Variants in BCAN observed in about 807,000 individuals in gnomAD.
BCAN encodes brevican core protein.
In BCAN, 51 loss-of-function variants were observed where a neutral mutation model predicts 92.4. The observed-to-expected ratio is 0.55, with a 90% confidence interval of 0.44 to 0.70. The LOEUF is 0.70. Among genes scored for constraint, BCAN ranks in the 30% least tolerant of loss-of-function variants. The pLI is 0.00. For synonymous variants in BCAN, 501 were observed against 505.2 expected (o/e 0.99, Z 0.11); for missense variants, 1,140 against 1,212.1 (o/e 0.94, Z 0.88).
Position 156,658,601 on chromosome 1 carries a change from G to C in BCAN, c.2496G>C (p.Leu832=). 6.2e-7 allele frequency: 1 copy of C among 1,614,072 alleles called. No homozygotes were observed. Among genetic ancestry groups the C allele is most frequent in the Middle Eastern group, 1.6e-4 (1 of 6,062 alleles). Residue 832 remains leucine, a synonymous_variant, in exon 13 of 14, where the codon CTG becomes CTC. Coordinates refer to ENST00000329117, the MANE Select transcript of BCAN (RefSeq NM_021948.5). This position sits in a 1 kb window ranked among gnomAD's most constrained non-coding sequence, Gnocchi z 4.4. The part of the protein sequence containing the change: ...PLAQVFGRPR[L]RYEVDTVLRY... ...CTCAAGTGTTCGGCCGCCCACGGCT[G>C]CGCTATGAGGTGGACACTGTGCTTC...
chr1:156,657,313 G>A (rs1441869762), intron 10 of BCAN: 5 of 726,640 alleles, frequency 6.9e-6, no homozygotes, highest in Non-Finnish European at 1.1e-5. Context: ...GGTTCGCGCA[G>A]TAGAGTGCGC....
chr1:156,651,451 C>T lies in BCAN; in HGVS notation c.1064-5C>T. ...GCTCGCATCAATACTTTCCTCCTGCCACAGACTCGGCCCAGCCTTCTGCCA... is the reference window on the plus strand; with the variant it reads ...GCTCGCATCAATACTTTCCTCCTGCTACAGACTCGGCCCAGCCTTCTGCCA... On this transcript the variant is annotated splice_polypyrimidine_tract_variant and splice_region_variant and intron_variant, in intron 6 of 13. Coordinates refer to ENST00000329117, the MANE Select transcript of BCAN (RefSeq NM_021948.5). 2 of 1,611,956 alleles carry T rather than the reference C, an allele frequency of 1.2e-6. No homozygotes were observed. The highest frequency in any genetic ancestry group is 1.7e-6 in the Non-Finnish European group (2 of 1,178,784).
rs1678998618 is a variant in BCAN at position 156,646,930 on chromosome 1, C to T, written c.221C>T (p.Ser74Phe). Residue 74 changes from serine to phenylalanine, a missense_variant, in exon 3 of 14, where the codon TCT (serine) becomes TTT (phenylalanine). Around this residue, in one of 3 missense-constraint regions of BCAN, gnomAD observed 286 missense variants for 284.1 expected, o/e 1.01. Coordinates refer to ENST00000329117, the MANE Select transcript of BCAN (RefSeq NM_021948.5). ...PPPSRRAVLGSPRVKWTFLSR... is the reference protein window; with the variant it reads ...PPPSRRAVLGFPRVKWTFLSR... ...CCGAGCCGCCGGGCTGTGCTGGGCT[C>T]TCCGCGGGTCAAGTGGACTTTCCTG... is the stretch of plus-strand genomic sequence containing the variant. 1.2e-6 allele frequency: 2 copies of T among 1,612,634 alleles called. No homozygotes were observed. The highest frequency in any genetic ancestry group is 1.7e-6 in the Non-Finnish European group (2 of 1,179,598).
chr1:156,653,666 G>T (rs1267184982), intron 8 of BCAN, among the ~76,000 whole-genome samples: 1 of 151,924 alleles, frequency 6.6e-6, no homozygotes, highest in Non-Finnish European at 1.5e-5. Context: ...GCCCCTCATT[G>T]TTCCCCCAGC....
intron 6 of BCAN, 113 bp downstream of exon 6, chr1:156,648,974 A>G: frequency 7.7e-7 from 1 of 1,291,616 alleles, no homozygotes; most frequent in Non-Finnish European, 1.0e-6. Flanking sequence ...ATTTGCCTGA[A>G]GTGGTCGTGG....
intron 6 of BCAN, among the ~76,000 whole-genome samples, chr1:156,651,040 C>G (rs1679144625): frequency 6.6e-6 from 1 of 152,230 alleles, no homozygotes; most frequent in Non-Finnish European, 1.5e-5. Flanking sequence ...CCTGCTGGCT[C>G]CAGCCCCTCC....
chr1:156,643,635 CAGAGAGAG>C (rs3839017), intron 1 of BCAN: 1 of 103,782 alleles, frequency 9.6e-6, no homozygotes, highest in Non-Finnish European at 2.0e-5. Flanking sequence ...CACACACACA[CAGAGAGAG>C]AGAGAGAGAG....
intron 7 of BCAN, 142 bp from the exon 8 acceptor site, chr1:156,652,106 A>AGGACCACC: frequency 8.8e-7 from 1 of 1,134,146 alleles, no homozygotes; most frequent in Non-Finnish European, 1.2e-6. Context: ...GTGTGGCGCA[A>AGGACCACC]GGACCACCTG....
chr1:156,653,754 G>A lies in BCAN; in HGVS notation c.1942+862G>A, dbSNP rs117556864. On this transcript the variant is annotated intron_variant, in intron 8 of 13. Transcript: ENST00000329117. Reference sequence around the variant, plus strand: ...AATTTGACTGTACACATTACCCCTGGAGAAGTCATCATCCATAGTCTGAGG... The same window carrying A: ...AATTTGACTGTACACATTACCCCTGAAGAAGTCATCATCCATAGTCTGAGG... Among the ~76,000 whole-genome samples, 501 of 152,194 alleles carry A rather than the reference G, an allele frequency of 3.3e-3. 11 individuals carry two copies. In the East Asian group the frequency reaches 0.04, roughly 12 times the overall value.
chr1:156,650,150 G>A (rs571137530), intron 6 of BCAN, among the ~76,000 whole-genome samples: 55 of 151,776 alleles, frequency 3.6e-4, no homozygotes, highest in South Asian at 4.2e-4. Flanking sequence ...AGTAGTAGTA[G>A]TAATAATAAT....
At chr1:156,653,609 C>G in intron 8 of BCAN, 1 of 932,416 alleles carries the variant, frequency 1.1e-6, no homozygotes, top group Non-Finnish European at 1.3e-6. Flanking sequence ...GCCTCTCTTC[C>G]TTTTTCATTT....
rs1313626418 is a variant in BCAN at position 156,657,671 on chromosome 1, C to T, written c.2210-4C>T. ...GCGCTCACTGCACGCCTTCGTCTCC[C>T]TAGACCGGTACCGGGAGTACCAGTG... On this transcript the variant is annotated splice_region_variant and splice_polypyrimidine_tract_variant and intron_variant, in intron 10 of 13. Coordinates refer to ENST00000329117, the MANE Select transcript of BCAN (RefSeq NM_021948.5). 6.2e-7 allele frequency: 1 copy of T among 1,608,812 alleles called. No individual in the cohort carries two copies. The highest frequency in any genetic ancestry group is 1.3e-5 in the African/African-American group (1 of 74,474).
chr1:156,650,150 G>T (rs571137530), intron 6 of BCAN, among the ~76,000 whole-genome samples: 1 of 151,666 alleles, frequency 6.6e-6, no homozygotes, highest in Admixed American at 6.6e-5. Context: ...AGTAGTAGTA[G>T]TAATAATAAT....
In BCAN at chr1:156,652,176, C is replaced by T. The variant is rs1481341955; in HGVS notation, c.1298-72C>T. On this transcript the variant is annotated intron_variant, in intron 7 of 13. Transcript: ENST00000329117. ...TCACCCTCCTGAGCCCTACTTTTCT[C>T]CCCTTCCCTTTTTCCTTTCGGTCCT... 2.6e-6 allele frequency: 4 copies of T among 1,519,986 alleles called. No homozygotes were observed. In the East Asian group the frequency reaches 6.8e-5, roughly 26 times the overall value. The allele number at this position is 1,519,986 out of a possible 1,614,324, so 94.2% of individuals were successfully genotyped here. A position where few individuals can be genotyped will look rare whatever the true frequency, so the allele number is the denominator to read the frequency against.
At chr1:156,643,827 G>T (rs1057019637) in intron 1 of BCAN, 1 of 152,316 alleles carries the variant, frequency 6.6e-6, no homozygotes, top group Non-Finnish European at 1.5e-5. Context: ...AACAGAGAGG[G>T]GGATGTTGTG....
Position 156,656,938 on chromosome 1 carries a change from G to T in BCAN, c.2051G>T (p.Gly684Val), listed in dbSNP as rs754287439. The T allele has an allele frequency of 2.5e-6, 4 of 1,613,322 alleles. No homozygotes were observed. The highest frequency in any genetic ancestry group is 3.4e-4 in the Middle Eastern group (2 of 5,944). The change falls in exon 10 of 14, where the codon GGC (glycine) becomes GTC (valine). Residue 684 changes from glycine (G) to valine (V), a missense_variant and splice_region_variant. Physicochemically the swap from Gly to Val is moderately radical, Grantham distance 109. Transcript: ENST00000329117. ...PGYGGDLCDV[G>V]LRFCNPGWDA... ...AGATGCCCGCCCTTATGTGCCGCAGGCCTCCGCTTCTGCAACCCCGGCTGG... is the reference window on the plus strand; with the variant it reads ...AGATGCCCGCCCTTATGTGCCGCAGTCCTCCGCTTCTGCAACCCCGGCTGG...
In BCAN at chr1:156,656,966, C is replaced by A. The variant is rs754910033; in HGVS notation, c.2079C>A (p.Asp693Glu). 1.9e-6 allele frequency: 3 copies of A among 1,614,076 alleles called. No individual in the cohort carries two copies. The highest frequency in any genetic ancestry group is 2.5e-6 in the Non-Finnish European group (3 of 1,179,922). Residue 693 changes from aspartate (D) to glutamate (E), a missense_variant, in exon 10 of 14, where the codon GAC becomes GAA. By Grantham distance (45) the Asp-to-Glu change is conservative (BLOSUM62 2). This residue lies in a region of BCAN where 825 missense variants were observed against 871.8 expected (regional missense o/e 0.95). Coordinates refer to ENST00000329117, the MANE Select transcript of BCAN (RefSeq NM_021948.5). ...VGLRFCNPGW[D>E]AFQGACYKHF... is the part of the protein sequence containing the mutation. ...TCCGCTTCTGCAACCCCGGCTGGGA[C>A]GCCTTCCAGGGCGCCTGCTACAAGC...
At position 156,657,799 on chromosome 1, in the gene BCAN, T is replaced by A. The variant is rs1361194122; in HGVS notation, c.2292+42T>A. On this transcript the variant is annotated intron_variant, in intron 11 of 13. Transcript: ENST00000329117. ...GAACCCCGCCGTCTAGCTCACTTCC[T>A]CTAAGCACTTCTGTTCCCTACCACC... The A allele has an allele frequency of 5.8e-6, 9 of 1,541,470 alleles. No individual in the cohort carries two copies. The African/African-American group carries it at 1.2e-4, about 21-fold the overall frequency.
rs368810507 is a variant in BCAN at position 156,644,846 on chromosome 1, T to C, written c.-8-1201T>C. On this transcript the variant is annotated intron_variant, in intron 1 of 13. Transcript: ENST00000329117. ...GATCTCTAGGAAGTCCTGCCTGTAG[T>C]CTAACCTTCAATTCTCTTGCTGCAT... is the stretch of plus-strand genomic sequence containing the variant. The C allele has an allele frequency of 1.1e-4, 16 of 152,348 alleles. No homozygotes were observed. In the East Asian group the frequency reaches 2.7e-3, roughly 26 times the overall value. 9.4% of individuals were successfully genotyped at this position (152,348 alleles called of 1,614,324 possible).
Sources: allele counts gnomAD v4.1 joint callset (sites outside exome capture counted in the v4.1 genomes callset), GRCh38; gene constraint gnomAD v4.1.1; regional missense constraint gnomAD v4.1.1; non-coding constraint Gnocchi (gnomAD v3.1); transcripts MANE v1.5; gene names NCBI Gene and HGNC (gene_info 2026-07-23, HGNC 2026-07-21).